TFEC: variants seen among roughly 807,000 people sequenced by gnomAD.
TFEC encodes transcription factor EC.
In TFEC, 31 loss-of-function variants were observed where a neutral mutation model predicts 41.6. The observed-to-expected ratio is 0.74, with a 90% CI of 0.56 to 1.01. TFEC has a LOEUF of 1.01. Ranked by LOEUF, TFEC falls within the 50% of genes least tolerant of loss-of-function variation. TFEC has a pLI of 0.00. For missense variants in TFEC, 402 were observed against 404.1 expected (o/e 0.99, Z 0.04); for synonymous variants, 143 against 140.6 (o/e 1.02, Z -0.12).
At chr7:115,961,224 T>C (rs1216693062) in intron 3 of TFEC, among the ~76,000 whole-genome samples, 2 of 151,588 alleles carry the variant, frequency 1.3e-5, no homozygotes, top group Non-Finnish European at 1.5e-5. Context: ...ATGGAACATA[T>C]ACAAAAACTG....
chr7:116,091,040 A>G (rs1228945381), intron 3 of TFEC, among the ~76,000 whole-genome samples: 1 of 152,034 alleles, frequency 6.6e-6, no homozygotes, highest in Non-Finnish European at 1.5e-5. Context: ...GGTGCAGCAA[A>G]CCATCATGGC....
intron 1 of TFEC, among the ~76,000 whole-genome samples, chr7:116,136,216 A>G (rs1195887101): frequency 6.6e-6 from 1 of 152,060 alleles, no homozygotes; most frequent in East Asian, 1.9e-4. Flanking sequence ...GACATTGGTA[A>G]CGAATATGAC....
rs1251982969 is a variant in TFEC, at chr7:115,939,594, G to A, written c.*957C>T. On this transcript the variant is annotated 3_prime_UTR_variant, in exon 8 of 8. Coordinates refer to ENST00000265440, the MANE Select transcript of TFEC (RefSeq NM_012252.4). ...TAATTGATTTCTGTCCAATACTGAT[G>A]AAAAGTTTTAAGTACCTGAAAACTG... 2 of 151,984 alleles carry A rather than the reference G, an allele frequency of 1.3e-5. No individual in the cohort carries two copies. The highest frequency in any genetic ancestry group is 4.8e-5 in the African/African-American group (2 of 41,402). The allele number at this position is 151,984 out of a possible 1,614,324, so 9.4% of individuals were successfully genotyped here. A position where few individuals can be genotyped will look rare whatever the true frequency, so the allele number is the denominator to read the frequency against.
At chr7:116,041,773 T>G (rs1301379955) in intron 3 of TFEC, among the ~76,000 whole-genome samples, 1 of 152,154 alleles carries the variant, frequency 6.6e-6, no homozygotes, top group Non-Finnish European at 1.5e-5. Flanking sequence ...CTCTTCCTGT[T>G]TCAGACACAG....
At chr7:115,948,508 G>A (rs1010007001) in intron 6 of TFEC, among the ~76,000 whole-genome samples, 1 of 152,134 alleles carries the variant, frequency 6.6e-6, no homozygotes, top group Non-Finnish European at 1.5e-5. Context: ...CCATGATCAA[G>A]TGGGCTTCAT....
intron 3 of TFEC, among the ~76,000 whole-genome samples, chr7:116,042,946 G>A (rs1796074900): frequency 6.6e-6 from 1 of 152,130 alleles, no homozygotes; most frequent in Admixed American, 6.6e-5. Flanking sequence ...AATAATATGT[G>A]AGAGAGCTGA....
intron 1 of TFEC, among the ~76,000 whole-genome samples, chr7:115,993,595 C>T (rs998920915): frequency 4.6e-5 from 7 of 152,158 alleles, no homozygotes; most frequent in African/African-American, 1.7e-4. Context: ...CATGAGTGAA[C>T]TCCCATTCAC....
intron 1 of TFEC, among the ~76,000 whole-genome samples, chr7:116,142,023 C>T (rs1213563465): frequency 6.6e-6 from 1 of 152,114 alleles, no homozygotes; most frequent in Admixed American, 6.6e-5. Flanking sequence ...AGAGTGATAT[C>T]ACGAGATACT....
intron 3 of TFEC, chr7:115,968,189 T>C: frequency 6.5e-7 from 1 of 1,526,772 alleles, no homozygotes; most frequent in East Asian, 2.5e-5. Context: ...GCTCACCAGT[T>C]TTAACTTTGA....
rs546469529 is a variant in TFEC, at chr7:116,052,585, C to T, written c.198+58123G>A. ...CTAGGACTATAGGCACATGCCACCA[C>T]GCCCTTCTAATTTTTGTATTTTTAG... On this transcript the variant is annotated intron_variant, in intron 3 of 8. Coordinates refer to the TFEC transcript ENST00000484212. Among the ~76,000 whole-genome samples, 287 of 152,018 alleles carry T rather than the reference C, an allele frequency of 1.9e-3. 2 individuals carry two copies. The highest frequency in any genetic ancestry group is 6.5e-3 in the African/African-American group (270 of 41,506).
At chr7:115,978,315 C>T (rs1045171706) in intron 2 of TFEC, among the ~76,000 whole-genome samples, 3 of 152,110 alleles carry the variant, frequency 2.0e-5, no homozygotes, top group African/African-American at 7.2e-5. Flanking sequence ...ATCATGAACA[C>T]GTATACACCT....
intron 6 of TFEC, among the ~76,000 whole-genome samples, chr7:115,949,522 A>G (rs1456735840): frequency 6.6e-6 from 1 of 152,198 alleles, no homozygotes; most frequent in Non-Finnish European, 1.5e-5. Context: ...ATGGAACAGA[A>G]CAGAGCCCTC....
intron 3 of TFEC, among the ~76,000 whole-genome samples, chr7:115,972,067 C>T (rs1562901674): frequency 6.6e-6 from 1 of 152,076 alleles, no homozygotes; most frequent in Non-Finnish European, 1.5e-5. Flanking sequence ...TTTCCTACCC[C>T]TATTCTACCA....
intron 1 of TFEC, among the ~76,000 whole-genome samples, chr7:116,118,787 C>T (rs1296510907): frequency 6.6e-6 from 1 of 151,794 alleles, no homozygotes; most frequent in Non-Finnish European, 1.5e-5. Flanking sequence ...GCTATAAGCG[C>T]TGGGAGGCAC....
chr7:116,129,185 G>A (rs188313777), intron 1 of TFEC, among the ~76,000 whole-genome samples: 47 of 152,190 alleles, frequency 3.1e-4, no homozygotes, highest in African/African-American at 7.0e-4. Flanking sequence ...TTATTTTGTC[G>A]AAGGGTTCTT....
intron 1 of TFEC, among the ~76,000 whole-genome samples, chr7:116,012,660 T>C (rs980281215): frequency 1.3e-5 from 2 of 152,084 alleles, no homozygotes; most frequent in Non-Finnish European, 2.9e-5. Context: ...ATACAGTATA[T>C]TTATTGTTGT....
At chr7:116,050,470 T>C (rs984343673) in intron 3 of TFEC, among the ~76,000 whole-genome samples, 1 of 151,984 alleles carries the variant, frequency 6.6e-6, no homozygotes, top group Non-Finnish European at 1.5e-5. Flanking sequence ...AACAACCCCA[T>C]CAAAAAGTGG....
intron 3 of TFEC, among the ~76,000 whole-genome samples, chr7:116,084,145 C>A (rs559781881): frequency 6.6e-6 from 1 of 152,008 alleles, no homozygotes; most frequent in Non-Finnish European, 1.5e-5. Context: ...CTGACACTTT[C>A]CCCAACTGTG....
chr7:115,995,302 A>C lies in TFEC; in HGVS notation c.-72-10789T>G, dbSNP rs182109527. Among the ~76,000 whole-genome samples the C allele has an allele frequency of 4.9e-4, 75 of 152,114 alleles. 1 individual carries two copies. In the East Asian group the frequency reaches 0.014, roughly 29 times the overall value. ...TGGCACATGTATACATATGTAACAA[A>C]CCTGCACATTGTGCACATGTACCCT... is the stretch of plus-strand genomic sequence containing the variant. On this transcript the variant is annotated intron_variant, in intron 1 of 7. Coordinates refer to ENST00000265440, the MANE Select transcript of TFEC (RefSeq NM_012252.4).
Sources: allele counts gnomAD v4.1 joint callset (sites outside exome capture counted in the v4.1 genomes callset), GRCh38; gene constraint gnomAD v4.1.1; transcripts MANE v1.5; gene names NCBI Gene and HGNC (gene_info 2026-07-23, HGNC 2026-07-21).